The following ZNF257 variants were observed in gnomAD, a reference collection of about 807,000 sequenced individuals.
ZNF257 encodes the protein bone marrow zinc finger 4.
ZNF257 carries 12 observed loss-of-function variants against 11.9 expected under a neutral mutation model. The observed-to-expected ratio is 1.01, with a 90% CI of 0.65 to 1.63. The LOEUF is 1.63. ZNF257 is among the 40% of genes most tolerant of loss of function. The pLI is 0.00. For synonymous variants in ZNF257, 183 were observed against 222.7 expected (o/e 0.82, Z 1.59); for missense variants, 580 against 665.5 (o/e 0.87, Z 1.41).
At chr19:22,083,755 CTCTG>C (rs2022409363) in intron 3 of ZNF257, among the ~76,000 whole-genome samples, 1 of 152,118 alleles carries the variant, frequency 6.6e-6, no homozygotes, top group South Asian at 2.1e-4. Context: ...CTCATACAAT[CTCTG>C]TCTGTTTGTG....
At chr19:22,085,167 C>T (rs928985910) in intron 3 of ZNF257, among the ~76,000 whole-genome samples, 5 of 152,066 alleles carry the variant, frequency 3.3e-5, no homozygotes, top group Non-Finnish European at 5.9e-5. Flanking sequence ...ATTCTCCTGC[C>T]TCAGCCTCCC....
chr19:22,086,323 C>T (rs1484573385), intron 3 of ZNF257, among the ~76,000 whole-genome samples: 1 of 151,892 alleles, frequency 6.6e-6, no homozygotes, highest in Non-Finnish European at 1.5e-5. Context: ...AAAATTTTTC[C>T]TCATTACATC....
chr19:22,065,446 C>T (rs1010447879), intron 1 of ZNF257, among the ~76,000 whole-genome samples: 3 of 152,088 alleles, frequency 2.0e-5, no homozygotes, highest in South Asian at 2.1e-4. Context: ...GTGATCCACC[C>T]ACCTCGGCCT....
At chr19:22,078,092 G>A (rs916941097) in intron 3 of ZNF257, among the ~76,000 whole-genome samples, 2 of 151,282 alleles carry the variant, frequency 1.3e-5, no homozygotes, top group Non-Finnish European at 2.9e-5. Context: ...AAAAAAATTA[G>A]CTGGGCGTGG....
At position 22,090,028 on chromosome 19, in the gene ZNF257, T is replaced by G. The variant is rs1361532394; in HGVS notation, c.*586T>G. The G allele has an allele frequency of 6.5e-6, 1 of 154,606 alleles. No homozygotes were observed. Among genetic ancestry groups the G allele is most frequent in the African/African-American group, 2.4e-5 (1 of 41,432 alleles). 9.6% of individuals were successfully genotyped at this position (154,606 alleles called of 1,614,324 possible). A position where few individuals can be genotyped will look rare whatever the true frequency, so the allele number is the denominator to read the frequency against. ...TAAAATAATTTATACCGGAGAAAACTCCAAGTGTGAAGAATATAACTTTTA... is the reference window on the plus strand; with the variant it reads ...TAAAATAATTTATACCGGAGAAAACGCCAAGTGTGAAGAATATAACTTTTA... On this transcript the variant is annotated 3_prime_UTR_variant, in exon 4 of 4. Coordinates refer to ENST00000594947, the MANE Select transcript of ZNF257 (RefSeq NM_033468.4).
intron 1 of ZNF257, among the ~76,000 whole-genome samples, chr19:22,070,080 C>T (rs898412001): frequency 2.0e-5 from 3 of 151,802 alleles, no homozygotes; most frequent in African/African-American, 7.3e-5. Context: ...AGAAGTGGTG[C>T]TCACAGTTTT....
At chr19:22,060,302 T>C (rs28857211) in intron 1 of ZNF257, among the ~76,000 whole-genome samples, 36,139 of 152,124 alleles carry the variant, frequency 0.24, 5,841 homozygotes, top group African/African-American at 0.46. Context: ...TACAACCTTA[T>C]CAGCATCTGT....
At chr19:22,083,465 T>C (rs926558753) in intron 3 of ZNF257, among the ~76,000 whole-genome samples, 13 of 152,132 alleles carry the variant, frequency 8.5e-5, no homozygotes, top group African/African-American at 3.1e-4. Flanking sequence ...TGAAACTCCA[T>C]CTCGAAAAAC....
chr19:22,080,577 G>T (rs551523733), intron 3 of ZNF257, among the ~76,000 whole-genome samples: 1 of 150,522 alleles, frequency 6.6e-6, no homozygotes, highest in South Asian at 2.1e-4. Flanking sequence ...GCCGAACTGT[G>T]AGCCAAATCT....
chr19:22,059,362 A>C (rs1381373065), intron 1 of ZNF257, among the ~76,000 whole-genome samples: 1 of 152,022 alleles, frequency 6.6e-6, no homozygotes, highest in Admixed American at 6.6e-5. Flanking sequence ...CATTCTTATC[A>C]TTTAGCTCTT....
At chr19:22,071,150 T>C (rs537438673) in intron 1 of ZNF257, among the ~76,000 whole-genome samples, 1 of 152,214 alleles carries the variant, frequency 6.6e-6, no homozygotes, top group Middle Eastern at 3.4e-3. Flanking sequence ...CTGTTTGGGT[T>C]TGGGAGAGAC....
intron 1 of ZNF257, among the ~76,000 whole-genome samples, chr19:22,057,075 T>C (rs968415251): frequency 4.6e-5 from 7 of 152,172 alleles, no homozygotes; most frequent in African/African-American, 1.7e-4. Context: ...GAGATTAAAC[T>C]TGTTACCTCC....
At chr19:22,077,934 T>A (rs1006842404) in intron 3 of ZNF257, among the ~76,000 whole-genome samples, 12 of 151,880 alleles carry the variant, frequency 7.9e-5, no homozygotes, top group African/African-American at 2.2e-4. Flanking sequence ...GGTGTTTTTT[T>A]AAAAAATTAT....
In ZNF257 at chr19:22,052,684, G is replaced by C. The variant is rs753529497; in HGVS notation, c.3+49G>C. ...CTGGGAGAGGGGAAGGGGGTGGTTG[G>C]AACCTGTGGGAAGTCGCTGTGGCGG... On this transcript the variant is annotated intron_variant, in intron 1 of 3. Transcript: ENST00000594947. The C allele has an allele frequency of 3.7e-6, 6 of 1,601,406 alleles. No homozygotes were observed. The African/African-American group carries it at 8.0e-5, about 21-fold the overall frequency.
At chr19:22,063,690 T>G (rs1694872146) in intron 1 of ZNF257, among the ~76,000 whole-genome samples, 1 of 152,204 alleles carries the variant, frequency 6.6e-6, no homozygotes, top group Non-Finnish European at 1.5e-5. Context: ...GTAGTTGAAT[T>G]ATATTTTCAA....
intron 3 of ZNF257, chr19:22,087,723 T>C: frequency 1.6e-6 from 1 of 644,996 alleles, no homozygotes; most frequent in East Asian, 3.4e-5. Context: ...TTTTTCTTTT[T>C]CTTCTATGTT....
At position 22,071,481 on chromosome 19, in the gene ZNF257, C is replaced by CT. The variant is rs770735076; in HGVS notation, c.4-1318dup. 4.1e-3 allele frequency among the ~76,000 whole-genome samples: 599 copies of CT among 147,894 alleles called. 6 individuals are homozygous for CT. The highest frequency in any genetic ancestry group is 0.013 in the African/African-American group (545 of 40,428). Reference sequence around the variant, plus strand: ...CCAGAGGAGAAGGAGGAAAAAATGGCTTTTTTTTTTCAACTAAACATGTCT... The same window carrying CT: ...CCAGAGGAGAAGGAGGAAAAAATGGCTTTTTTTTTTTCAACTAAACATGTCT... On this transcript the variant is annotated intron_variant, in intron 1 of 3. Transcript: ENST00000594947.
intron 1 of ZNF257, among the ~76,000 whole-genome samples, chr19:22,059,639 T>G (rs1034527325): frequency 5.5e-5 from 5 of 90,118 alleles, no homozygotes; most frequent in Middle Eastern, 5.8e-3. Flanking sequence ...ATTTTGTTTC[T>G]TTTCTTTTTT....
At chr19:22,068,122 CA>C (rs2022005417) in intron 1 of ZNF257, among the ~76,000 whole-genome samples, 1 of 145,268 alleles carries the variant, frequency 6.9e-6, no homozygotes, top group Non-Finnish European at 1.5e-5. Flanking sequence ...TTGTTACTAA[CA>C]AACATTTTTG....
Sources: allele counts gnomAD v4.1 joint callset (sites outside exome capture counted in the v4.1 genomes callset), GRCh38; gene constraint gnomAD v4.1.1; transcripts MANE v1.5; gene names NCBI Gene and HGNC (gene_info 2026-07-23, HGNC 2026-07-21).